TIAM1: variants seen among roughly 807,000 people sequenced by gnomAD.
TIAM1 encodes TIAM Rac1 associated GEF 1, also known as rho guanine nucleotide exchange factor TIAM1.
In TIAM1, 65 loss-of-function variants were observed where a neutral mutation model predicts 163.5. The ratio of observed to expected loss-of-function variants is 0.40; its 90% CI spans 0.33 to 0.49. The LOEUF is 0.49. TIAM1 is among the 20% of genes least tolerant of loss of function. The pLI is 0.77. For missense variants in TIAM1, 1,789 were observed against 2,044.7 expected, an observed-to-expected ratio of 0.87 and a Z score of 2.41; for synonymous variants, 833 against 810.1, an observed-to-expected ratio of 1.03 and a Z score of -0.48.
intron 11 of TIAM1, among the ~76,000 whole-genome samples, chr21:31,204,791 T>C (rs554966672): frequency 1.3e-3 from 201 of 152,336 alleles, no homozygotes; most frequent in African/African-American, 4.7e-3. Flanking sequence ...TAAAAGCACA[T>C]TTCCAGAAAG....
In TIAM1 at chr21:31,289,680, A is replaced by C. The variant is rs534183777; in HGVS notation, c.-188-12772T>G. ...TGTTATGTAGAAGAAAACAAAAATC[A>C]AACAGAGCCCATATTCCCCTCCCTA... On this transcript the variant is annotated intron_variant, in intron 2 of 27. Transcript: ENST00000541036. Among the ~76,000 whole-genome samples, 5 of 152,340 alleles carry C rather than the reference A, an allele frequency of 3.3e-5. No individual in the cohort carries two copies. In the South Asian group the frequency reaches 1.0e-3, roughly 32 times the overall value.
intron 15 of TIAM1, among the ~76,000 whole-genome samples, chr21:31,173,359 G>T (rs1601410308): frequency 3.3e-5 from 5 of 152,128 alleles, no homozygotes; most frequent in Non-Finnish European, 5.9e-5. Context: ...TGTCAATAAA[G>T]ATATTTAGCT....
chr21:31,218,749 T>A (rs1468779652), intron 8 of TIAM1, among the ~76,000 whole-genome samples: 1 of 152,108 alleles, frequency 6.6e-6, no homozygotes, highest in Non-Finnish European at 1.5e-5. Flanking sequence ...GGCTTTCTGT[T>A]ATTCTTTCCG....
chr21:31,489,581 C>T (rs894249641), intron 1 of TIAM1, among the ~76,000 whole-genome samples: 2 of 145,146 alleles, frequency 1.4e-5, no homozygotes, highest in Non-Finnish European at 3.0e-5. Context: ...ACCCCCCCCC[C>T]CTTGGCAGAT....
intron 2 of TIAM1, among the ~76,000 whole-genome samples, chr21:31,326,060 G>A (rs1405942172): frequency 6.6e-6 from 1 of 152,144 alleles, no homozygotes; most frequent in African/African-American, 2.4e-5. Context: ...TCCACTGTCA[G>A]GCAGAGTCCC....
chr21:31,128,757 T>A (rs2082302063), intron 25 of TIAM1, among the ~76,000 whole-genome samples: 1 of 152,190 alleles, frequency 6.6e-6, no homozygotes, highest in Non-Finnish European at 1.5e-5. Flanking sequence ...AAATAATCAT[T>A]CCAAATATAT....
At chr21:31,334,034 C>T (rs1225191309) in intron 2 of TIAM1, among the ~76,000 whole-genome samples, 1 of 152,198 alleles carries the variant, frequency 6.6e-6, no homozygotes, top group Admixed American at 6.5e-5. Context: ...ACAGTTACTA[C>T]GTAGAGGTGA....
At chr21:31,186,649 T>G (rs2085318293) in intron 14 of TIAM1, among the ~76,000 whole-genome samples, 1 of 152,108 alleles carries the variant, frequency 6.6e-6, no homozygotes, top group Non-Finnish European at 1.5e-5. Context: ...TGTGGTGGCA[T>G]GCACCTGTAC....
intron 12 of TIAM1, among the ~76,000 whole-genome samples, chr21:31,202,659 A>G (rs1601529464): frequency 6.6e-6 from 1 of 152,366 alleles, no homozygotes; most frequent in Non-Finnish European, 1.5e-5. Flanking sequence ...CTAAAGTTCT[A>G]TCTAAGAGAT....
intron 14 of TIAM1, among the ~76,000 whole-genome samples, chr21:31,184,114 T>G (rs1601454212): frequency 6.6e-6 from 1 of 152,030 alleles, no homozygotes; most frequent in Non-Finnish European, 1.5e-5. Flanking sequence ...TTTGTTTTGT[T>G]TTGTTTTTGA....
intron 2 of TIAM1, among the ~76,000 whole-genome samples, chr21:31,337,518 G>GTTGTTATTATTATTATTATTATTA (rs139117633): frequency 4.8e-5 from 7 of 147,258 alleles, no homozygotes; most frequent in Non-Finnish European, 9.0e-5. Context: ...TATTATTGTT[G>GTTGTTATTATTATTATTATTATTA]TTATTATTAT....
chr21:31,284,826 TG>T (rs1266568050), intron 2 of TIAM1, among the ~76,000 whole-genome samples: 1 of 152,076 alleles, frequency 6.6e-6, no homozygotes, highest in Non-Finnish European at 1.5e-5. Flanking sequence ...TTTCCAAGCC[TG>T]AAGTTCAGCC....
chr21:31,401,803 C>G (rs2077168986), intron 2 of TIAM1, among the ~76,000 whole-genome samples: 1 of 151,804 alleles, frequency 6.6e-6, no homozygotes, highest in African/African-American at 2.4e-5. Flanking sequence ...CCTAGCTACT[C>G]AGGGGGCTGA....
chr21:31,240,899 C>T (rs1391622483), intron 6 of TIAM1, among the ~76,000 whole-genome samples: 1 of 152,164 alleles, frequency 6.6e-6, no homozygotes, highest in Non-Finnish European at 1.5e-5. Flanking sequence ...ATCTCATCTT[C>T]AATTGTAGTG....
chr21:31,178,416 C>T (rs1178589328), intron 15 of TIAM1, among the ~76,000 whole-genome samples: 1 of 145,390 alleles, frequency 6.9e-6, no homozygotes, highest in African/African-American at 2.5e-5. Flanking sequence ...ACGCCATTCT[C>T]CTGCCTCAGT....
chr21:31,479,166 T>C (rs1306185697), intron 1 of TIAM1, among the ~76,000 whole-genome samples: 1 of 152,222 alleles, frequency 6.6e-6, no homozygotes, highest in Non-Finnish European at 1.5e-5. Flanking sequence ...CAAGAATTGC[T>C]AAACCATATT....
Position 31,387,811 on chromosome 21 carries a change from G to T in TIAM1, c.-368-48389C>A, listed in dbSNP as rs528717672. Among the ~76,000 whole-genome samples, 13 of 152,108 alleles carry T rather than the reference G, an allele frequency of 8.5e-5. No individual in the cohort carries two copies. The South Asian group carries it at 1.9e-3, about 22-fold the overall frequency. On this transcript the variant is annotated intron_variant, in intron 2 of 28. Coordinates refer to the TIAM1 transcript ENST00000286827. ...GGGAAGCCGGCAGCAGCAGTGTGTGGGTCTCTCCCAGGCGCACCTTCCCCA... is the reference window on the plus strand; with the variant it reads ...GGGAAGCCGGCAGCAGCAGTGTGTGTGTCTCTCCCAGGCGCACCTTCCCCA...
chr21:31,482,060 A>AGTGT (rs10523425), intron 1 of TIAM1, among the ~76,000 whole-genome samples: 8,714 of 145,564 alleles, frequency 0.06, 302 homozygotes, highest in Non-Finnish European at 0.074. Context: ...ACTGGGACAA[A>AGTGT]GTGTGTGTGT....
chr21:31,447,495 A>T (rs2044670028), intron 2 of TIAM1, among the ~76,000 whole-genome samples: 1 of 152,200 alleles, frequency 6.6e-6, no homozygotes, highest in Admixed American at 6.5e-5. Context: ...AAAAATGGAG[A>T]AAGCAGAGAA....
Sources: allele counts gnomAD v4.1 joint callset (sites outside exome capture counted in the v4.1 genomes callset), GRCh38; gene constraint gnomAD v4.1.1; transcripts MANE v1.5; gene names NCBI Gene and HGNC (gene_info 2026-07-23, HGNC 2026-07-21).